Variants in ANKRD18B observed in about 807,000 individuals in gnomAD.
ANKRD18B encodes the protein ankyrin repeat domain 18B.
Under a neutral mutation model 111.8 loss-of-function variants are expected in ANKRD18B, and 75 were observed. The observed-to-expected ratio is 0.67, with a 90% CI of 0.56 to 0.81. The LOEUF (loss-of-function observed/expected upper bound fraction) is 0.81, where lower values mean the gene tolerates loss of function less well. ANKRD18B is among the 40% of genes least tolerant of loss of function. The pLI is 0.00. For missense variants in ANKRD18B, 1,038 were observed against 1,225.5 expected, an observed-to-expected ratio of 0.85 and a Z score of 2.28; for synonymous variants, 356 against 417.3, an observed-to-expected ratio of 0.85 and a Z score of 1.79.
chr9:33,524,548 A>G lies in ANKRD18B; in HGVS notation c.59A>G (p.Asp20Gly). Reference protein sequence around the residue: ...RLGQALLSSMDQEYAGRGYHI... With the variant: ...RLGQALLSSMGQEYAGRGYHI... ...GGCCAGGCGCTCCTGAGCTCCATGG[A>G]CCAAGAGTATGCGGGTCGGGGGTAC... Residue 20 changes from aspartate (D) to glycine (G), a missense_variant, in exon 1 of 19, where the codon GAC (aspartate) becomes GGC (glycine). Asp to Gly is a moderately conservative substitution (Grantham distance 94). This residue lies in a region of ANKRD18B where 216 missense variants were observed against 205.1 expected (regional missense o/e 1.05). Coordinates refer to ENST00000684830, the MANE Select transcript of ANKRD18B (RefSeq NM_001393611.1). The G allele has an allele frequency of 6.4e-7, 1 of 1,551,308 alleles. No homozygotes were observed. The highest frequency in any genetic ancestry group is 8.7e-7 in the Non-Finnish European group (1 of 1,146,776).
chr9:33,531,315 A>G lies in ANKRD18B; in HGVS notation c.496-2124A>G, dbSNP rs559572150. Among the ~76,000 whole-genome samples the G allele has an allele frequency of 1.1e-4, 16 of 152,300 alleles. No individual in the cohort carries two copies. The East Asian group carries it at 2.7e-3, about 26-fold the overall frequency. ...TTTTATTAAACATACGATACTAGACAGAGAAAAAGTTCCACATGCAAATAC... is the reference window on the plus strand; with the variant it reads ...TTTTATTAAACATACGATACTAGACGGAGAAAAAGTTCCACATGCAAATAC... On this transcript the variant is annotated intron_variant, in intron 3 of 18. Transcript: ENST00000684830.
At chr9:33,543,110 GT>G in intron 9 of ANKRD18B, 74 bp from the exon 10 acceptor site, 4 of 1,294,298 alleles carry the variant, frequency 3.1e-6, no homozygotes, top group Non-Finnish European at 4.3e-6. Flanking sequence ...AGTGTGTGTT[GT>G]TTTGTATCAA....
intron 14 of ANKRD18B, among the ~76,000 whole-genome samples, chr9:33,563,244 A>C (rs1828633216): frequency 6.6e-6 from 1 of 152,180 alleles, no homozygotes; most frequent in Non-Finnish European, 1.5e-5. Flanking sequence ...ACAATTACCC[A>C]GAGTTTTGTG....
intron 14 of ANKRD18B, among the ~76,000 whole-genome samples, chr9:33,564,852 TAAAAAAA>T (rs1828662340): frequency 1.3e-5 from 2 of 152,166 alleles, no homozygotes; most frequent in African/African-American, 4.8e-5. Flanking sequence ...TTTTTTCTCT[TAAAAAAA>T]GAGAAATATC....
chr9:33,573,415 C>T, downstream of ANKRD18B: 1 of 532,930 alleles, frequency 1.9e-6, no homozygotes, highest in Non-Finnish European at 2.4e-6. Context: ...GATCGGGGCT[C>T]TGTGGGAAGG....
At chr9:33,561,006 G>T (rs756196770) in intron 14 of ANKRD18B, among the ~76,000 whole-genome samples, 25 of 152,172 alleles carry the variant, frequency 1.6e-4, no homozygotes, top group Admixed American at 3.9e-4. Flanking sequence ...ATTTATGTAT[G>T]AGTTTTTGTG....
intron 12 of ANKRD18B, among the ~76,000 whole-genome samples, chr9:33,554,120 T>A (rs768617412): frequency 8.3e-5 from 8 of 96,790 alleles, no homozygotes; most frequent in Admixed American, 1.1e-4. Context: ...CAAAATATAC[T>A]GGCCCAAAAA....
Position 33,524,676 on chromosome 9 carries a change from G to C in ANKRD18B, c.187G>C (p.Val63Leu). Residue 63 changes from valine to leucine, a missense_variant, in exon 1 of 19, where the codon GTC becomes CTC. Physicochemically the swap from Val to Leu is conservative, Grantham distance 32 (BLOSUM62 1). Transcript: ENST00000684830. Reference sequence around the variant, plus strand: ...GACGCGCAGGTTCCGGGACTTGGACGTCCGCGACAGAAAAGACAGGTAGCG... The same window carrying C: ...GACGCGCAGGTTCCGGGACTTGGACCTCCGCGACAGAAAAGACAGGTAGCG... ...CLTRRFRDLD[V>L]RDRKDRTVLH... The C allele has an allele frequency of 6.4e-7, 1 of 1,550,462 alleles. No homozygotes were observed. The highest frequency in any genetic ancestry group is 8.7e-7 in the Non-Finnish European group (1 of 1,146,606).
downstream of ANKRD18B, among the ~76,000 whole-genome samples, chr9:33,573,896 G>A (rs1355931867): frequency 2.8e-5 from 4 of 145,166 alleles, 1 homozygote; most frequent in Admixed American, 2.1e-4. Context: ...CCTAGTCATC[G>A]GAAGCCTAGT....
At chr9:33,530,198 G>A (rs2985591) in intron 3 of ANKRD18B, among the ~76,000 whole-genome samples, 1 of 152,160 alleles carries the variant, frequency 6.6e-6, no homozygotes. Context: ...TCTCAGCTAG[G>A]ATTGTGCATT....
intron 14 of ANKRD18B, among the ~76,000 whole-genome samples, chr9:33,563,022 C>T (rs910906366): frequency 1.3e-5 from 2 of 152,072 alleles, no homozygotes; most frequent in Non-Finnish European, 2.9e-5. Flanking sequence ...AAGGAGACAC[C>T]CTTGCCTTAT....
At chr9:33,540,778 C>T (rs1362176219) in intron 8 of ANKRD18B, among the ~76,000 whole-genome samples, 1 of 152,034 alleles carries the variant, frequency 6.6e-6, no homozygotes, top group Non-Finnish European at 1.5e-5. Context: ...CTACTCAACC[C>T]TGCCATTGTA....
intron 14 of ANKRD18B, among the ~76,000 whole-genome samples, chr9:33,564,674 G>A (rs952629958): frequency 1.3e-5 from 2 of 152,084 alleles, no homozygotes; most frequent in Non-Finnish European, 1.5e-5. Flanking sequence ...GCATGTAAGA[G>A]TTTACTGTTC....
At chr9:33,564,183 C>A (rs1313034688) in intron 14 of ANKRD18B, among the ~76,000 whole-genome samples, 1 of 152,222 alleles carries the variant, frequency 6.6e-6, no homozygotes, top group Non-Finnish European at 1.5e-5. Context: ...TGCTCTGGAA[C>A]TTTTGGCTTC....
chr9:33,526,223 T>A (rs959945654), intron 1 of ANKRD18B, among the ~76,000 whole-genome samples: 3 of 152,184 alleles, frequency 2.0e-5, no homozygotes, highest in Non-Finnish European at 4.4e-5. Flanking sequence ...CCTTTACCCA[T>A]CAACTCCATT....
intron 3 of ANKRD18B, among the ~76,000 whole-genome samples, chr9:33,531,601 C>T (rs1828118183): frequency 1.3e-5 from 2 of 150,586 alleles, no homozygotes; most frequent in Non-Finnish European, 2.9e-5. Flanking sequence ...CTACTGTGCC[C>T]ACCTGAGTAC....
chr9:33,575,357 G>A (rs1828847583), downstream of ANKRD18B, among the ~76,000 whole-genome samples: 1 of 152,210 alleles, frequency 6.6e-6, no homozygotes, highest in Middle Eastern at 3.2e-3. Flanking sequence ...AGAAGCCAGG[G>A]CAGCATGCAG....
chr9:33,544,220 G>A (rs978969054), intron 10 of ANKRD18B, among the ~76,000 whole-genome samples: 35 of 152,100 alleles, frequency 2.3e-4, no homozygotes, highest in Non-Finnish European at 3.1e-4. Flanking sequence ...TGAGAGTTAA[G>A]CTTCCTGGTT....
At chr9:33,542,405 CA>C (rs1296447586) in intron 9 of ANKRD18B, among the ~76,000 whole-genome samples, 1 of 131,364 alleles carries the variant, frequency 7.6e-6, no homozygotes, top group East Asian at 2.1e-4. Context: ...TTTTTGGAAA[CA>C]AGTTTTTACT....
Sources: allele counts gnomAD v4.1 joint callset (sites outside exome capture counted in the v4.1 genomes callset), GRCh38; gene constraint gnomAD v4.1.1; regional missense constraint gnomAD v4.1.1; transcripts MANE v1.5; gene names NCBI Gene and HGNC (gene_info 2026-07-23, HGNC 2026-07-21).